Variants in FGF12 observed in about 807,000 individuals in gnomAD.
The protein encoded by FGF12 is fibroblast growth factor 12B.
FGF12 carries 14 observed loss-of-function variants against 23.6 expected under a neutral mutation model. The observed-to-expected ratio is 0.59, with a 90% CI of 0.39 to 0.93. The LOEUF (loss-of-function observed/expected upper bound fraction) is 0.93. Among genes scored for constraint, FGF12 ranks in the 40% least tolerant of loss-of-function variants. The probability of loss-of-function intolerance (pLI) is 0.00; values close to 1 mark genes in which losing one functional copy is unlikely to be tolerated. For missense variants in FGF12, 175 were observed against 217.8 expected, an observed-to-expected ratio of 0.80 and a Z score of 1.24; for synonymous variants, 62 against 77.3, an observed-to-expected ratio of 0.80 and a Z score of 1.04.
chr3:192,278,528 C>T (rs1362144822), intron 4 of FGF12, among the ~76,000 whole-genome samples: 1 of 152,096 alleles, frequency 6.6e-6, no homozygotes, highest in African/African-American at 2.4e-5. Context: ...CAAAGCTGGT[C>T]AAGACAGAGG....
chr3:192,514,908 G>A lies in FGF12; in HGVS notation c.14-154370C>T, dbSNP rs1724614865. The A allele has an allele frequency of 1.0e-6, 1 of 982,256 alleles. No individual in the cohort carries two copies. The highest frequency in any genetic ancestry group is 1.2e-6 in the Non-Finnish European group (1 of 827,242). 60.8% of individuals were successfully genotyped at this position (982,256 alleles called of 1,614,324 possible). A position where few individuals can be genotyped will look rare whatever the true frequency, so the allele number is the denominator to read the frequency against. ...TGCACATGGAGCCGGAGGGAGCCCG[G>A]GCGCCGGCAGGGGGCGGGCCGGGAC... On this transcript the variant is annotated intron_variant, in intron 2 of 5. Coordinates refer to ENST00000445105, the MANE Select transcript of FGF12 (RefSeq NM_004113.6). This position sits in a 1 kb window ranked among gnomAD's most constrained non-coding sequence, Gnocchi z 4.9.
chr3:192,211,475 G>T lies in FGF12; in HGVS notation c.229-40819C>A, dbSNP rs150331959. ...ACCCTCGCTCTTGTGGCCGAGGCTGGAGTGCAGCGGCGCAATCTCGGCTCA... is the reference window on the plus strand; with the variant it reads ...ACCCTCGCTCTTGTGGCCGAGGCTGTAGTGCAGCGGCGCAATCTCGGCTCA... On this transcript the variant is annotated intron_variant, in intron 4 of 5. Transcript: ENST00000445105. Among the ~76,000 whole-genome samples the T allele has an allele frequency of 4.2e-3, 638 of 150,942 alleles. 5 individuals are homozygous for T. The highest frequency in any genetic ancestry group is 0.025 in the South Asian group (119 of 4,758).
At chr3:192,585,319 A>T (rs560144386) in intron 2 of FGF12, among the ~76,000 whole-genome samples, 30 of 152,262 alleles carry the variant, frequency 2.0e-4, no homozygotes, top group African/African-American at 7.2e-4. Flanking sequence ...CTTCAACTAT[A>T]AATCTTTATA....
chr3:192,164,440 C>T lies in FGF12; in HGVS notation c.427+6018G>A, dbSNP rs148374768. ...CCTGTTCTCTAAACACAGGATGAGACGTGAAAGAGTGAAGGGAAATGGGCT... is the reference window on the plus strand; with the variant it reads ...CCTGTTCTCTAAACACAGGATGAGATGTGAAAGAGTGAAGGGAAATGGGCT... On this transcript the variant is annotated intron_variant, in intron 5 of 5. Transcript: ENST00000445105. Among the ~76,000 whole-genome samples, 528 of 152,170 alleles carry T rather than the reference C, an allele frequency of 3.5e-3. 1 individual carries two copies. The highest frequency in any genetic ancestry group is 0.011 in the African/African-American group (445 of 41,514).
intron 2 of FGF12, among the ~76,000 whole-genome samples, chr3:192,557,835 T>A (rs935551818): frequency 3.3e-5 from 5 of 151,836 alleles, no homozygotes; most frequent in African/African-American, 1.2e-4. Flanking sequence ...ATCAACTCAA[T>A]AGATGCAGAA....
At chr3:192,302,758 A>C (rs989928897) in intron 4 of FGF12, among the ~76,000 whole-genome samples, 2 of 152,244 alleles carry the variant, frequency 1.3e-5, no homozygotes, top group Admixed American at 1.3e-4. Context: ...GGAGAGGTAC[A>C]TGTGGAAAGT....
rs1229679791 is a variant in FGF12 at position 192,141,061 on chromosome 3, T to C, written c.*2948A>G. ...GAATAAACATATCTTAATTTATATC[T>C]GCGTAGCCAATTGCAAAGCATTACT... On this transcript the variant is annotated 3_prime_UTR_variant, in exon 6 of 6. Coordinates refer to ENST00000445105, the MANE Select transcript of FGF12 (RefSeq NM_004113.6). 1.5e-5 allele frequency: 2 copies of C among 136,044 alleles called. No individual in the cohort carries two copies. Among genetic ancestry groups the C allele is most frequent in the African/African-American group, 2.8e-5 (1 of 36,016 alleles). 8.4% of individuals were successfully genotyped at this position (136,044 alleles called of 1,614,324 possible).
rs534210805 is a variant in FGF12 at position 192,653,939 on chromosome 3, T to A, written c.13+73242A>T. Among the ~76,000 whole-genome samples the A allele has an allele frequency of 7.9e-5, 12 of 152,288 alleles. No homozygotes were observed. The South Asian group carries it at 2.5e-3, about 32-fold the overall frequency. ...CGGGGTTTCACCATGTTGGTCTGGC[T>A]GGTCTAGAACTCCTGACCTCAGTTG... On this transcript the variant is annotated intron_variant, in intron 2 of 5. Coordinates refer to ENST00000445105, the MANE Select transcript of FGF12 (RefSeq NM_004113.6).
chr3:192,621,086 C>T (rs73056426), intron 2 of FGF12, among the ~76,000 whole-genome samples: 9,139 of 152,166 alleles, frequency 0.06, 937 homozygotes, highest in African/African-American at 0.21. Flanking sequence ...TCTCTTCAAG[C>T]AATCCATTGT....
intron 4 of FGF12, among the ~76,000 whole-genome samples, chr3:192,212,995 T>A (rs1718012796): frequency 6.6e-6 from 1 of 152,168 alleles, no homozygotes; most frequent in African/African-American, 2.4e-5. Flanking sequence ...GTCCCAGAAG[T>A]GCAATGGTAC....
intron 4 of FGF12, among the ~76,000 whole-genome samples, chr3:192,254,307 T>C (rs1577285681): frequency 6.6e-6 from 1 of 151,980 alleles, no homozygotes; most frequent in East Asian, 1.9e-4. Flanking sequence ...TCATTTAACA[T>C]AATGTCCTCT....
chr3:192,424,240 C>T (rs1473211199), intron 2 of FGF12, among the ~76,000 whole-genome samples: 3 of 152,278 alleles, frequency 2.0e-5, no homozygotes, highest in Admixed American at 2.0e-4. Context: ...ATTTCTCACA[C>T]TGGTTTATTG....
intron 2 of FGF12, among the ~76,000 whole-genome samples, chr3:192,671,070 G>T (rs907195281): frequency 6.6e-6 from 1 of 152,138 alleles, no homozygotes; most frequent in Admixed American, 6.5e-5. Context: ...CTGGAATATC[G>T]TAAGTACGAA....
At chr3:192,429,163 G>A (rs978944356) in intron 2 of FGF12, among the ~76,000 whole-genome samples, 2 of 151,988 alleles carry the variant, frequency 1.3e-5, no homozygotes. Context: ...AAGAGATGAG[G>A]GAAGAGGACA....
chr3:192,396,812 T>C (rs534751640), intron 2 of FGF12, among the ~76,000 whole-genome samples: 1 of 152,286 alleles, frequency 6.6e-6, no homozygotes, highest in African/African-American at 2.4e-5. Flanking sequence ...CCCTAACAGG[T>C]GTCTGCATAA....
intron 2 of FGF12, among the ~76,000 whole-genome samples, chr3:192,598,332 G>C (rs1713954150): frequency 6.6e-6 from 1 of 152,138 alleles, no homozygotes; most frequent in African/African-American, 2.4e-5. Context: ...CTAGAGGCTG[G>C]CTTGTTCACC....
intron 2 of FGF12, among the ~76,000 whole-genome samples, chr3:192,441,941 A>G (rs1426717341): frequency 1.3e-5 from 2 of 152,232 alleles, no homozygotes; most frequent in Non-Finnish European, 2.9e-5. Context: ...TTTCCCTTAG[A>G]ACGACAATAA....
At chr3:192,505,776 TAA>T (rs1412849478) in intron 2 of FGF12, among the ~76,000 whole-genome samples, 1 of 152,204 alleles carries the variant, frequency 6.6e-6, no homozygotes, top group Non-Finnish European at 1.5e-5. Context: ...CACAGAATTA[TAA>T]ATCTGGGAAG....
At chr3:192,150,780 G>A (rs1459186740) in intron 5 of FGF12, among the ~76,000 whole-genome samples, 1 of 145,156 alleles carries the variant, frequency 6.9e-6, no homozygotes, top group Admixed American at 7.0e-5. Context: ...TTTGGCTTAG[G>A]ATTGACTTGG....
Sources: gnomAD v4.1 joint callset for allele counts (sites outside exome capture counted in the v4.1 genomes callset) on GRCh38, gnomAD v4.1.1 for gene constraint, Gnocchi (gnomAD v3.1) non-coding constraint, MANE v1.5 for transcripts, NCBI Gene and HGNC (gene_info 2026-07-23, HGNC 2026-07-21) for gene names.